CADM2: variants seen among roughly 807,000 people sequenced by gnomAD.
CADM2 encodes the protein cell adhesion molecule 2.
A neutral mutation model predicts 49.8 loss-of-function variants in CADM2; 12 were observed. That is an observed-to-expected ratio of 0.24 (90% confidence interval 0.15 to 0.39). CADM2 has a LOEUF of 0.39. Among genes scored for constraint, CADM2 ranks in the 10% least tolerant of loss-of-function variants. The pLI is 1.00. For missense variants in CADM2, 378 were observed against 492.3 expected, an observed-to-expected ratio of 0.77 and a Z score of 2.20; for synonymous variants, 214 against 175.4, an observed-to-expected ratio of 1.22 and a Z score of -1.74.
intron 1 of CADM2, among the ~76,000 whole-genome samples, chr3:85,596,400 A>G (rs572094218): frequency 1.3e-5 from 2 of 152,270 alleles, no homozygotes; most frequent in South Asian, 4.1e-4. Flanking sequence ...AAATGTATTT[A>G]GAAGAAAAAA....
intron 8 of CADM2, among the ~76,000 whole-genome samples, chr3:85,972,198 CCTT>C (rs1008526524): frequency 1.3e-4 from 19 of 151,556 alleles, no homozygotes; most frequent in African/African-American, 4.1e-4. Flanking sequence ...AGATAAATGT[CCTT>C]CTTTTTTTGT....
chr3:85,184,885 T>C (rs2041019139), intron 1 of CADM2, among the ~76,000 whole-genome samples: 1 of 152,142 alleles, frequency 6.6e-6, no homozygotes, highest in Non-Finnish European at 1.5e-5. Flanking sequence ...ATAAACTCTC[T>C]TCAAAACTTT....
chr3:85,781,130 T>C (rs2070620280), intron 2 of CADM2, among the ~76,000 whole-genome samples: 1 of 152,200 alleles, frequency 6.6e-6, no homozygotes, highest in Admixed American at 6.5e-5. Flanking sequence ...AATTGCTACC[T>C]ATGAACTTTT....
intron 1 of CADM2, among the ~76,000 whole-genome samples, chr3:85,688,122 G>T (rs2066269987): frequency 1.3e-5 from 2 of 152,158 alleles, no homozygotes; most frequent in African/African-American, 4.8e-5. Context: ...GTGCCAAAAT[G>T]GTTGGGGACA....
intron 1 of CADM2, among the ~76,000 whole-genome samples, chr3:85,551,629 C>T (rs570125712): frequency 6.6e-6 from 1 of 152,228 alleles, no homozygotes; most frequent in East Asian, 1.9e-4. Context: ...CTGTTTCATT[C>T]TTTTGTTAAA....
At chr3:85,705,723 T>A (rs2066927349) in intron 1 of CADM2, among the ~76,000 whole-genome samples, 1 of 152,184 alleles carries the variant, frequency 6.6e-6, no homozygotes, top group African/African-American at 2.4e-5. Context: ...ATTTTTGAGT[T>A]TAACAGGCTT....
chr3:86,016,431 GAAATT>G (rs775678335), intron 8 of CADM2, among the ~76,000 whole-genome samples: 54 of 152,076 alleles, frequency 3.6e-4, no homozygotes, highest in Admixed American at 7.2e-4. Flanking sequence ...TAACTTTGCT[GAAATT>G]ATTTTGAGTT....
At chr3:85,619,220 A>G (rs566846254) in intron 1 of CADM2, among the ~76,000 whole-genome samples, 1 of 152,208 alleles carries the variant, frequency 6.6e-6, no homozygotes, top group East Asian at 1.9e-4. Flanking sequence ...ATATAATCAT[A>G]ATTTCAGGCA....
intron 2 of CADM2, among the ~76,000 whole-genome samples, chr3:85,746,088 A>T (rs372654712): frequency 2.6e-5 from 4 of 152,226 alleles, no homozygotes; most frequent in Non-Finnish European, 5.9e-5. Context: ...ACTTTTTAAA[A>T]GGATGGAGTT....
chr3:84,959,814 G>T, intron 1 of CADM2, 146 bp downstream of exon 1: 7 of 747,682 alleles, frequency 9.4e-6, no homozygotes, highest in Non-Finnish European at 1.3e-5. Flanking sequence ...TGCGGCAGGG[G>T]GCAGTGGCAG....
chr3:85,853,324 A>G (rs1337522182), intron 3 of CADM2, among the ~76,000 whole-genome samples: 3 of 151,996 alleles, frequency 2.0e-5, no homozygotes, highest in Non-Finnish European at 4.4e-5. Context: ...AACAACACAA[A>G]TAGAAGAAGA....
intron 8 of CADM2, chr3:86,015,105 A>T: frequency 5.3e-6 from 3 of 571,036 alleles, no homozygotes; most frequent in Non-Finnish European, 9.4e-6. Flanking sequence ...TAATTCCAAA[A>T]CCATCGAAAA....
At chr3:85,939,258 A>G (rs569249553) in intron 7 of CADM2, among the ~76,000 whole-genome samples, 1 of 152,126 alleles carries the variant, frequency 6.6e-6, no homozygotes, top group South Asian at 2.1e-4. Context: ...TCCACTTGAC[A>G]CTACTATAGA....
chr3:85,637,580 G>T (rs36084690), intron 1 of CADM2, among the ~76,000 whole-genome samples: 10 of 100,570 alleles, frequency 9.9e-5, no homozygotes, highest in Non-Finnish European at 1.9e-4. Flanking sequence ...CCGCAGTCCG[G>T]CCTGGGCGAC....
intron 1 of CADM2, among the ~76,000 whole-genome samples, chr3:85,246,051 T>G (rs2107846776): frequency 6.6e-6 from 1 of 152,324 alleles, no homozygotes; most frequent in Non-Finnish European, 1.5e-5. Flanking sequence ...ATGTAAATAA[T>G]TTGGTTAGTT....
intron 8 of CADM2, among the ~76,000 whole-genome samples, chr3:85,969,527 C>T (rs144939275): frequency 9.3e-4 from 141 of 151,386 alleles, no homozygotes; most frequent in African/African-American, 3.2e-3. Context: ...AATTGTCCCC[C>T]AGTCACATAT....
intron 1 of CADM2, among the ~76,000 whole-genome samples, chr3:85,369,398 C>T (rs1413160688): frequency 2.0e-5 from 3 of 152,176 alleles, no homozygotes; most frequent in African/African-American, 7.2e-5. Flanking sequence ...TTCAGGAGAC[C>T]GAGTTGGGCG....
intron 1 of CADM2, 94 bp downstream of exon 1, chr3:84,959,762 C>T: frequency 8.2e-7 from 1 of 1,220,592 alleles, no homozygotes; most frequent in Non-Finnish European, 1.2e-6. Context: ...CTCCCAGTCT[C>T]CCTGTCCCCA....
At chr3:85,440,046 G>A (rs1205652447) in intron 1 of CADM2, among the ~76,000 whole-genome samples, 2 of 152,138 alleles carry the variant, frequency 1.3e-5, no homozygotes, top group East Asian at 1.9e-4. Flanking sequence ...TAAAGGGCAC[G>A]ATTAGTATGT....
Sources: gnomAD v4.1 joint callset for allele counts (sites outside exome capture counted in the v4.1 genomes callset) on GRCh38, gnomAD v4.1.1 for gene constraint, MANE v1.5 for transcripts, NCBI Gene and HGNC (gene_info 2026-07-23, HGNC 2026-07-21) for gene names.